TMEM245: variants seen among roughly 807,000 people sequenced by gnomAD.
The protein encoded by TMEM245 is protein CG-2.
In TMEM245, 69 loss-of-function variants were observed where a neutral mutation model predicts 101.2. The observed-to-expected ratio is 0.68, with a 90% confidence interval of 0.56 to 0.83. The LOEUF is 0.83. TMEM245 is among the 40% of genes least tolerant of loss of function. The pLI is 0.00. For missense variants in TMEM245, 1,075 were observed against 1,092.8 expected, an observed-to-expected ratio of 0.98 and a Z score of 0.23; for synonymous variants, 537 against 449.8, an observed-to-expected ratio of 1.19 and a Z score of -2.45.
At chr9:109,076,520 T>G (rs1033791989) in intron 8 of TMEM245, among the ~76,000 whole-genome samples, 1 of 147,260 alleles carries the variant, frequency 6.8e-6, no homozygotes, top group African/African-American at 2.6e-5. Flanking sequence ...CCCTAAAACT[T>G]AAAGTATAAT....
intron 3 of TMEM245, among the ~76,000 whole-genome samples, chr9:109,101,713 G>A (rs1202150701): frequency 6.6e-6 from 1 of 152,216 alleles, no homozygotes; most frequent in Non-Finnish European, 1.5e-5. Flanking sequence ...CTGTGTGTCT[G>A]TGATTTCCTT....
chr9:109,104,098 A>C (rs931311941), intron 3 of TMEM245, among the ~76,000 whole-genome samples: 1 of 152,170 alleles, frequency 6.6e-6, no homozygotes, highest in Non-Finnish European at 1.5e-5. Flanking sequence ...AACAGAAAAA[A>C]AAAATTAAAA....
chr9:109,030,387 CT>C (rs1302858795), intron 17 of TMEM245, among the ~76,000 whole-genome samples: 2 of 152,170 alleles, frequency 1.3e-5, no homozygotes, highest in Non-Finnish European at 2.9e-5. Flanking sequence ...GCATTTTGTA[CT>C]TTTAGAAGGA....
rs200311230 is a variant in TMEM245, at chr9:109,036,233, T to A, written c.2372A>T (p.Asp791Val). The change falls in exon 16 of 18, where the codon GAT (aspartate) becomes GTT (valine). Residue 791 changes from aspartate (D) to valine (V), a missense_variant. This residue lies in a region of TMEM245 where 267 missense variants were observed against 351.3 expected (regional missense o/e 0.76). Transcript: ENST00000374586. ...TGATATGTCAGAGTAGATTGCAGTATCTACAAAGTATGTTGGCAAGAGATG... is the reference window on the plus strand; with the variant it reads ...TGATATGTCAGAGTAGATTGCAGTAACTACAAAGTATGTTGGCAAGAGATG... ...IFHLLPTYFV[D>V]TAIYSDISGG... The A allele has an allele frequency of 6.2e-7, 1 of 1,612,094 alleles. No homozygotes were observed. Among genetic ancestry groups the A allele is most frequent in the South Asian group, 1.1e-5 (1 of 90,738 alleles).
At chr9:109,064,639 G>C (rs1394854338) in intron 9 of TMEM245, 72 bp from the exon 10 acceptor site, 4 of 1,264,602 alleles carry the variant, frequency 3.2e-6, no homozygotes, top group East Asian at 4.7e-5. Flanking sequence ...CTTTGAACTT[G>C]ATATGCTTAA....
intron 14 of TMEM245, among the ~76,000 whole-genome samples, chr9:109,043,035 A>C (rs942920643): frequency 1.3e-5 from 2 of 152,032 alleles, no homozygotes; most frequent in Non-Finnish European, 2.9e-5. Flanking sequence ...TGTGCTGTGC[A>C]TATGCAAGTT....
Position 109,087,344 on chromosome 9 carries a change from T to C in TMEM245, c.1151-2A>G. ...TGACAAGCTTTTTGAGTATCCAGAC[T>C]AAAAAAAGACAAAAAATACATATAT... is the stretch of plus-strand genomic sequence containing the variant. On this transcript the variant is annotated splice_acceptor_variant, in intron 5 of 17. Coordinates refer to ENST00000374586, the MANE Select transcript of TMEM245 (RefSeq NM_032012.4). LOFTEE classifies it high-confidence loss of function. 2 of 1,582,330 alleles carry C rather than the reference T, an allele frequency of 1.3e-6. No individual in the cohort carries two copies. Among genetic ancestry groups the C allele is most frequent in the Non-Finnish European group, 1.7e-6 (2 of 1,170,264 alleles).
intron 14 of TMEM245, among the ~76,000 whole-genome samples, chr9:109,044,021 T>G (rs1041148529): frequency 1.3e-5 from 2 of 152,208 alleles, no homozygotes; most frequent in African/African-American, 4.8e-5. Context: ...TACACAACTA[T>G]ATTTAATAAT....
At chr9:109,072,389 A>G (rs1416455004) in intron 9 of TMEM245, among the ~76,000 whole-genome samples, 1 of 152,204 alleles carries the variant, frequency 6.6e-6, no homozygotes, top group Admixed American at 6.5e-5. Context: ...GCTATAGATT[A>G]CACCTATGAT....
At chr9:109,079,704 G>A (rs1266435527) in intron 8 of TMEM245, among the ~76,000 whole-genome samples, 1 of 151,814 alleles carries the variant, frequency 6.6e-6, no homozygotes, top group African/African-American at 2.4e-5. Flanking sequence ...ATAAAACTGA[G>A]ATGGCCAGGC....
chr9:109,114,621 TG>T (rs1209378730), intron 1 of TMEM245, among the ~76,000 whole-genome samples: 1 of 152,168 alleles, frequency 6.6e-6, no homozygotes, highest in African/African-American at 2.4e-5. Context: ...ATGGGAACAA[TG>T]GGATCAGAGA....
chr9:109,100,785 CTGTTT>C (rs1440786066), intron 3 of TMEM245, among the ~76,000 whole-genome samples: 1 of 151,812 alleles, frequency 6.6e-6, no homozygotes, highest in East Asian at 1.9e-4. Context: ...TGTTTGAGTT[CTGTTT>C]TGTTTGCTTG....
chr9:109,083,916 A>AAAAAAACAAAAC, intron 7 of TMEM245, among the ~76,000 whole-genome samples: 2 of 132,584 alleles, frequency 1.5e-5, no homozygotes, highest in East Asian at 5.1e-4. Flanking sequence ...AAAAAAAAAA[A>AAAAAAACAAAAC]AAAAAAAAAA....
intron 7 of TMEM245, among the ~76,000 whole-genome samples, chr9:109,082,073 A>G (rs1386482159): frequency 6.6e-6 from 1 of 152,224 alleles, no homozygotes; most frequent in Non-Finnish European, 1.5e-5. Flanking sequence ...GATCTGATTT[A>G]TGCTCTCCAG....
rs189786498 is a variant in TMEM245, at chr9:109,049,017, G to A, written c.2123+1266C>T. Among the ~76,000 whole-genome samples the A allele has an allele frequency of 7.4e-4, 112 of 152,304 alleles. 3 individuals are homozygous for A. The highest frequency in any genetic ancestry group is 2.6e-3 in the African/African-American group (110 of 41,568). On this transcript the variant is annotated intron_variant, in intron 14 of 17. Coordinates refer to ENST00000374586, the MANE Select transcript of TMEM245 (RefSeq NM_032012.4). ...CCACCTACTCTCCTTCTGGAGCAAAGCTAAAACTCCTGACAGCAGAGGGTT... is the reference window on the plus strand; with the variant it reads ...CCACCTACTCTCCTTCTGGAGCAAAACTAAAACTCCTGACAGCAGAGGGTT...
chr9:109,119,843 G>C lies in TMEM245; in HGVS notation c.71C>G (p.Pro24Arg). Residue 24 changes from proline to arginine, a missense_variant, in exon 1 of 18, where the codon CCG becomes CGG. Around this residue, in one of 2 missense-constraint regions of TMEM245, gnomAD observed 808 missense variants for 741.5 expected, o/e 1.09. Transcript: ENST00000374586. ...ACCGCCACTCGGCCCGACCGCGCGC[G>C]GGACCCGCGGCGCCGGCCCGGGAGA... ...RSSPGPAPRV[P>R]RAVGPSGGGG... is the part of the protein sequence containing the mutation. The C allele has an allele frequency of 1.5e-6, 2 of 1,335,218 alleles. No individual in the cohort carries two copies. The highest frequency in any genetic ancestry group is 1.9e-6 in the Non-Finnish European group (2 of 1,053,430). 82.7% of individuals were successfully genotyped at this position (1,335,218 alleles called of 1,614,324 possible).
At chr9:109,021,971 T>C (rs1395007981) in intron 17 of TMEM245, among the ~76,000 whole-genome samples, 1 of 152,162 alleles carries the variant, frequency 6.6e-6, no homozygotes, top group Admixed American at 6.6e-5. Flanking sequence ...TAAAAACTCA[T>C]AAAATAAACA....
At chr9:109,069,793 G>A (rs950321133) in intron 9 of TMEM245, among the ~76,000 whole-genome samples, 1 of 152,132 alleles carries the variant, frequency 6.6e-6, no homozygotes, top group African/African-American at 2.4e-5. Flanking sequence ...TCCCAGCTAC[G>A]TTCCATAGGC....
rs77035804 is a variant in TMEM245, at chr9:109,087,012, T to A, written c.1320+161A>T. Among the ~76,000 whole-genome samples, 2,836 of 152,312 alleles carry A rather than the reference T, an allele frequency of 0.019. 43 individuals are homozygous for A. The highest frequency in any genetic ancestry group is 0.03 in the Non-Finnish European group (2,042 of 68,032). Reference sequence around the variant, plus strand: ...CCTTATTTAAAGTAAACCCATCTTATCCTTGTGTAAACCATAATTTTAAAC... The same window carrying A: ...CCTTATTTAAAGTAAACCCATCTTAACCTTGTGTAAACCATAATTTTAAAC... On this transcript the variant is annotated intron_variant, in intron 6 of 17. Coordinates refer to ENST00000374586, the MANE Select transcript of TMEM245 (RefSeq NM_032012.4).
Sources: allele counts gnomAD v4.1 joint callset (sites outside exome capture counted in the v4.1 genomes callset), GRCh38; gene constraint gnomAD v4.1.1; regional missense constraint gnomAD v4.1.1; transcripts MANE v1.5; gene names NCBI Gene and HGNC (gene_info 2026-07-23, HGNC 2026-07-21).